The following PUM2 variants were observed in gnomAD, a reference collection of about 807,000 sequenced individuals.
PUM2 encodes pumilio RNA binding family member 2.
Under a neutral mutation model 124.5 loss-of-function variants are expected in PUM2, and 57 were observed. The observed-to-expected ratio is 0.46, with a 90% confidence interval of 0.37 to 0.57. The LOEUF is 0.57. Ranked by LOEUF, PUM2 falls within the 20% of genes least tolerant of loss-of-function variation. PUM2 has a pLI of 0.00. For missense variants in PUM2, 1,065 were observed against 1,290.6 expected (o/e 0.83, Z 2.68); for synonymous variants, 460 against 446.1 (o/e 1.03, Z -0.39).
At chr2:20,261,422 A>AAAAAAAAAAAAAG (rs1666230432) in intron 14 of PUM2, among the ~76,000 whole-genome samples, 1 of 144,616 alleles carries the variant, frequency 6.9e-6, no homozygotes, top group Non-Finnish European at 1.5e-5. Context: ...AAAAAAAAAA[A>AAAAAAAAAAAAAG]GTGTAGTACA....
chr2:20,338,844 C>A (rs1686651173), intron 1 of PUM2, among the ~76,000 whole-genome samples: 1 of 152,188 alleles, frequency 6.6e-6, no homozygotes, highest in African/African-American at 2.4e-5. Flanking sequence ...GCATAAGTCA[C>A]ACTTAACCAT....
At chr2:20,331,239 T>C (rs574813360) in intron 1 of PUM2, among the ~76,000 whole-genome samples, 2 of 152,040 alleles carry the variant, frequency 1.3e-5, no homozygotes, top group East Asian at 3.9e-4. Flanking sequence ...AAACTTTTGA[T>C]TCCTTGGTGG....
At chr2:20,259,798 G>C (rs1014897047) in intron 15 of PUM2, among the ~76,000 whole-genome samples, 1 of 152,142 alleles carries the variant, frequency 6.6e-6, no homozygotes, top group African/African-American at 2.4e-5. Flanking sequence ...ACCCCTAGGA[G>C]TACAATTGCT....
intron 1 of PUM2, among the ~76,000 whole-genome samples, chr2:20,341,889 G>C (rs2149080928): frequency 6.6e-6 from 1 of 152,252 alleles, no homozygotes; most frequent in East Asian, 1.9e-4. Context: ...CAGCACTTTG[G>C]GAGGCTGAGA....
intron 2 of PUM2, among the ~76,000 whole-genome samples, 179 bp downstream of exon 2, chr2:20,327,131 C>CT (rs144298018): frequency 0.033 from 4,872 of 149,892 alleles, 249 homozygotes; most frequent in African/African-American, 0.11. Flanking sequence ...CTGCTAAAAG[C>CT]TTTTTTTTTA....
chr2:20,257,741 A>AT (rs1359243218), intron 16 of PUM2, among the ~76,000 whole-genome samples: 7 of 152,178 alleles, frequency 4.6e-5, no homozygotes, highest in Non-Finnish European at 7.4e-5. Flanking sequence ...AACACAGAAT[A>AT]TTTCTCATTT....
intron 15 of PUM2, among the ~76,000 whole-genome samples, chr2:20,259,496 TA>T (rs2148498566): frequency 1.3e-5 from 2 of 152,344 alleles, no homozygotes; most frequent in South Asian, 4.1e-4. Flanking sequence ...CACTATTAGT[TA>T]TTCTAGACAT....
chr2:20,328,198 C>T (rs747356242), intron 1 of PUM2, among the ~76,000 whole-genome samples: 11 of 152,068 alleles, frequency 7.2e-5, no homozygotes, highest in African/African-American at 1.2e-4. Flanking sequence ...TAGCTGGGTG[C>T]GGTGGCACGC....
intron 10 of PUM2, among the ~76,000 whole-genome samples, chr2:20,284,194 C>T (rs1447755859): frequency 6.6e-6 from 1 of 152,180 alleles, no homozygotes; most frequent in Non-Finnish European, 1.5e-5. Flanking sequence ...AAGCATCACT[C>T]TGGAATCACA....
At position 20,312,361 on chromosome 2, in the gene PUM2, T is replaced by C. The variant is rs562686128; in HGVS notation, c.223A>G (p.Ser75Gly). 8.7e-6 allele frequency: 14 copies of C among 1,613,854 alleles called. No homozygotes were observed. The East Asian group carries it at 2.9e-4, about 33-fold the overall frequency. ...RRSGQGFHGN[S>G]EVNAILSPRS... ...GGAGACAGTATTGCATTTACTTCACTGTTTCCATGAAAACCCTGTCCAGAT... is the reference window on the plus strand; with the variant it reads ...GGAGACAGTATTGCATTTACTTCACCGTTTCCATGAAAACCCTGTCCAGAT... The change falls in exon 4 of 21, where the codon AGT becomes GGT. Residue 75 changes from serine (S) to glycine (G), a missense_variant. Physicochemically the swap from Ser to Gly is moderately conservative, Grantham distance 56. Around this residue, in one of 3 missense-constraint regions of PUM2, gnomAD observed 90 missense variants for 103.6 expected, o/e 0.87. Transcript: ENST00000361078.
chr2:20,256,871 G>A (rs1664900305), intron 16 of PUM2, among the ~76,000 whole-genome samples: 1 of 151,256 alleles, frequency 6.6e-6, no homozygotes, highest in South Asian at 2.1e-4. Context: ...ACATGGCTCC[G>A]ATTACTACCA....
In PUM2 at chr2:20,249,413, G is replaced by A. The variant is rs1043400; in HGVS notation, c.*2172C>T. 0.29 allele frequency: 44,791 copies of A among 152,526 alleles called. 6,808 individuals are homozygous for A. The highest frequency in any genetic ancestry group is 0.36 in the Middle Eastern group (106 of 294). The allele number at this position is 152,526 out of a possible 1,614,324, so 9.4% of individuals were successfully genotyped here. ...TAAAAAAATGAAACAAACACAAGGC[G>A]TTGCTGCAGTGACTGGGACATGCTG... On this transcript the variant is annotated 3_prime_UTR_variant, in exon 21 of 21. Coordinates refer to ENST00000361078, the MANE Select transcript of PUM2 (RefSeq NM_015317.5).
intron 14 of PUM2, among the ~76,000 whole-genome samples, chr2:20,262,037 G>GT (rs1053736813): frequency 2.1e-4 from 32 of 152,300 alleles, no homozygotes; most frequent in Admixed American, 1.8e-3. Flanking sequence ...TGAGGTTGCA[G>GT]TGAGTGATGA....
intron 3 of PUM2, among the ~76,000 whole-genome samples, chr2:20,316,498 TA>T (rs201238750): frequency 0.011 from 1,602 of 141,784 alleles, 13 homozygotes; most frequent in African/African-American, 0.03. Context: ...TGTATTAACT[TA>T]AAAAAAAAAA....
chr2:20,255,246 T>C lies in PUM2; in HGVS notation c.2718A>G (p.Glu906=). Residue 906 remains glutamate, a synonymous_variant, in exon 18 of 21, where the codon GAA becomes GAG. Coordinates refer to ENST00000361078, the MANE Select transcript of PUM2 (RefSeq NM_015317.5). ...TAEQTLPILE[E]LHQHTEQLVQ... ...CCAACTGCTCTGTATGTTGGTGGAG[T>C]TCTTCTAAGATAGGTAAGGTCTGTT... 6.2e-7 allele frequency: 1 copy of C among 1,602,614 alleles called. No homozygotes were observed. The highest frequency in any genetic ancestry group is 8.5e-7 in the Non-Finnish European group (1 of 1,169,774).
At chr2:20,265,084 C>T (rs1349499540) in intron 13 of PUM2, among the ~76,000 whole-genome samples, 1 of 151,960 alleles carries the variant, frequency 6.6e-6, no homozygotes, top group Non-Finnish European at 1.5e-5. Flanking sequence ...CCCACCTCTA[C>T]TAAAAATACA....
intron 2 of PUM2, among the ~76,000 whole-genome samples, chr2:20,319,331 C>T (rs1469632193): frequency 3.3e-5 from 5 of 152,182 alleles, no homozygotes; most frequent in African/African-American, 4.8e-5. Context: ...CTGTCCCTGT[C>T]GCTTAGGAGG....
chr2:20,286,759 A>G (rs900511482), intron 10 of PUM2, among the ~76,000 whole-genome samples: 11 of 152,038 alleles, frequency 7.2e-5, no homozygotes, highest in Non-Finnish European at 1.6e-4. Flanking sequence ...TTTCCAGCCT[A>G]ATTTTCTAAT....
At chr2:20,277,269 T>C (rs1265463168) in intron 13 of PUM2, among the ~76,000 whole-genome samples, 1 of 152,152 alleles carries the variant, frequency 6.6e-6, no homozygotes, top group African/African-American at 2.4e-5. Flanking sequence ...GCATGTCTTA[T>C]GAAGGGAGGA....
Sources: allele counts gnomAD v4.1 joint callset (sites outside exome capture counted in the v4.1 genomes callset), GRCh38; gene constraint gnomAD v4.1.1; regional missense constraint gnomAD v4.1.1; transcripts MANE v1.5; gene names NCBI Gene and HGNC (gene_info 2026-07-23, HGNC 2026-07-21).